DHRSX: variants seen among roughly 807,000 people sequenced by gnomAD.
The protein encoded by DHRSX is dehydrogenase/reductase X-linked, also known as polyprenol dehydrogenase.
Under a neutral mutation model 34.0 loss-of-function variants are expected in DHRSX, and 31 were observed. That is an observed-to-expected ratio of 0.91 (90% CI 0.69 to 1.23). The LOEUF (loss-of-function observed/expected upper bound fraction) is 1.23. Ranked by LOEUF, DHRSX falls within the 50% of genes most tolerant of loss-of-function variation. The pLI is 0.00. For synonymous variants in DHRSX, 201 were observed against 183.8 expected, an observed-to-expected ratio of 1.09 and a Z score of -0.76; for missense variants, 414 against 428.1, an observed-to-expected ratio of 0.97 and a Z score of 0.29.
chrX:2,267,284 C>A (rs1009596434), intron 4 of DHRSX, among the ~76,000 whole-genome samples: 2 of 152,188 alleles, frequency 1.3e-5, no homozygotes, highest in Admixed American at 1.3e-4. Context: ...AAGTTCATGC[C>A]TGTCATCCCA....
chrX:2,429,970 A>C (rs949857958), intron 1 of DHRSX, among the ~76,000 whole-genome samples: 2 of 152,148 alleles, frequency 1.3e-5, no homozygotes, highest in Admixed American at 1.3e-4. Context: ...TACATACACA[A>C]ACAATTGGCA....
intron 1 of DHRSX, among the ~76,000 whole-genome samples, chrX:2,438,393 C>A (rs1266581283): frequency 6.6e-6 from 1 of 150,454 alleles, no homozygotes; most frequent in Non-Finnish European, 1.5e-5. Flanking sequence ...AAACCGGCCA[C>A]GTGCAGTGGC....
chrX:2,416,672 C>T (rs1220604267), intron 2 of DHRSX, among the ~76,000 whole-genome samples: 1 of 151,912 alleles, frequency 6.6e-6, no homozygotes, highest in African/African-American at 2.4e-5. Context: ...GATGACAGTC[C>T]ATTGAGCATT....
At chrX:2,370,024 T>G (rs896622000) in intron 3 of DHRSX, among the ~76,000 whole-genome samples, 3 of 152,062 alleles carry the variant, frequency 2.0e-5, no homozygotes, top group Non-Finnish European at 4.4e-5. Flanking sequence ...TGACTGAGGA[T>G]AGATGCTTCC....
intron 3 of DHRSX, among the ~76,000 whole-genome samples, chrX:2,351,409 C>A (rs1007097414): frequency 5.3e-5 from 8 of 152,118 alleles, no homozygotes; most frequent in Non-Finnish European, 1.0e-4. Flanking sequence ...TATAAATATG[C>A]CTGAATAACA....
intron 3 of DHRSX, among the ~76,000 whole-genome samples, chrX:2,327,874 A>T (rs1171950213): frequency 6.6e-6 from 1 of 151,968 alleles, no homozygotes; most frequent in African/African-American, 2.4e-5. Context: ...AGGTCAGGTG[A>T]TCGAGACCAT....
chrX:2,357,954 C>T (rs943248155), intron 3 of DHRSX, among the ~76,000 whole-genome samples: 3 of 152,128 alleles, frequency 2.0e-5, no homozygotes, highest in Non-Finnish European at 2.9e-5. Flanking sequence ...AAAACATCCT[C>T]TCTACAAAAC....
intron 6 of DHRSX, among the ~76,000 whole-genome samples, chrX:2,233,894 C>T (rs930815610): frequency 6.6e-6 from 1 of 152,164 alleles, no homozygotes; most frequent in Non-Finnish European, 1.5e-5. Flanking sequence ...CAGAGCTTTA[C>T]AGTGGAGAAA....
At chrX:2,340,439 C>T (rs1602972397) in intron 3 of DHRSX, among the ~76,000 whole-genome samples, 3 of 149,690 alleles carry the variant, frequency 2.0e-5, no homozygotes, top group Admixed American at 6.6e-5. Context: ...TGTGTGTGTG[C>T]GTCTGTCTGT....
intron 1 of DHRSX, among the ~76,000 whole-genome samples, chrX:2,426,459 C>T (rs1433942741): frequency 2.1e-5 from 3 of 140,810 alleles, no homozygotes; most frequent in Admixed American, 1.5e-4. Flanking sequence ...TCCCTCTTTC[C>T]TTCCCTCCCT....
intron 1 of DHRSX, among the ~76,000 whole-genome samples, chrX:2,427,280 G>A (rs1479138286): frequency 1.3e-5 from 2 of 152,200 alleles, no homozygotes; most frequent in Non-Finnish European, 2.9e-5. Flanking sequence ...ATGGAAGGAG[G>A]GAAGAGAGGA....
At chrX:2,335,816 C>G (rs1400739264) in intron 3 of DHRSX, among the ~76,000 whole-genome samples, 1 of 151,882 alleles carries the variant, frequency 6.6e-6, no homozygotes, top group African/African-American at 2.4e-5. Flanking sequence ...TGACTTTTCC[C>G]TTGAGCTTAG....
intron 3 of DHRSX, among the ~76,000 whole-genome samples, chrX:2,392,186 G>A (rs1021988374): frequency 8.5e-5 from 13 of 152,254 alleles, no homozygotes; most frequent in African/African-American, 2.4e-4. Flanking sequence ...TGGGTATGAC[G>A]GTCAGGGAGG....
intron 1 of DHRSX, among the ~76,000 whole-genome samples, chrX:2,445,719 G>A (rs1452561007): frequency 6.6e-6 from 1 of 151,620 alleles, no homozygotes. Flanking sequence ...CGTTCCCTAA[G>A]CATGCAGCCA....
intron 1 of DHRSX, among the ~76,000 whole-genome samples, chrX:2,446,008 G>C (rs568914415): frequency 6.6e-6 from 1 of 151,718 alleles, no homozygotes; most frequent in Admixed American, 6.6e-5. Flanking sequence ...GCAGCCAAGG[G>C]ACCGCTGCTG....
rs1380750753 is a variant in DHRSX, at chrX:2,243,026, G to T, written c.801C>A (p.Phe267Leu). The change falls in exon 6 of 7, where the codon TTC becomes TTA. Residue 267 changes from phenylalanine to leucine, a missense_variant. Physicochemically the swap from Phe to Leu is conservative, Grantham distance 22. Transcript: ENST00000334651. ...LAKKLLGWLL[F>L]KTPDEGAWTS... ...CAGAGAAGCAGAAGGGGCTTACCTT[G>T]AAAAGCAACCAGCCGAGAAGCTTCT... The T allele has an allele frequency of 6.2e-7, 1 of 1,613,142 alleles. No homozygotes were observed. Among genetic ancestry groups the T allele is most frequent in the African/African-American group, 1.3e-5 (1 of 74,870 alleles).
chrX:2,461,981 C>G (rs1261442428), intron 1 of DHRSX, among the ~76,000 whole-genome samples: 1 of 152,262 alleles, frequency 6.6e-6, no homozygotes, highest in East Asian at 1.9e-4. Context: ...AGAGCCACCG[C>G]GGCTGGCCAT....
intron 1 of DHRSX, among the ~76,000 whole-genome samples, chrX:2,462,347 CG>C (rs2044414524): frequency 6.6e-6 from 1 of 151,792 alleles, no homozygotes; most frequent in South Asian, 2.1e-4. Flanking sequence ...AATTTCTCAA[CG>C]GTTAAGGGAA....
chrX:2,231,049 G>C (rs192061714), intron 6 of DHRSX, among the ~76,000 whole-genome samples: 26 of 152,268 alleles, frequency 1.7e-4, no homozygotes, highest in African/African-American at 6.0e-4. Context: ...CTCGCACAGA[G>C]ACCTTCAATC....
Sources: gnomAD v4.1 joint callset for allele counts (sites outside exome capture counted in the v4.1 genomes callset) on GRCh38, gnomAD v4.1.1 for gene constraint, MANE v1.5 for transcripts, NCBI Gene and HGNC (gene_info 2026-07-23, HGNC 2026-07-21) for gene names.